KIF3A: variants seen among roughly 807,000 people sequenced by gnomAD.
KIF3A encodes kinesin family member 3A.
Under a neutral mutation model 92.6 loss-of-function variants are expected in KIF3A, and 27 were observed. The ratio of observed to expected loss-of-function variants is 0.29; its 90% CI spans 0.21 to 0.40. The LOEUF is 0.40. Ranked by LOEUF, KIF3A falls within the 10% of genes least tolerant of loss-of-function variation. KIF3A has a pLI of 1.00. For missense variants in KIF3A, 581 were observed against 872.6 expected (o/e 0.67, Z 4.21); for synonymous variants, 250 against 275.4 (o/e 0.91, Z 0.92).
chr5:132,734,193 A>G lies in KIF3A; in HGVS notation c.280+12T>C, dbSNP rs1388755241. The G allele has an allele frequency of 6.3e-7, 1 of 1,594,298 alleles. No individual in the cohort carries two copies. The highest frequency in any genetic ancestry group is 1.8e-5 in the Admixed American group (1 of 56,928). On this transcript the variant is annotated intron_variant, in intron 2 of 18. Transcript: ENST00000403231. ...AATAAGGGAGTTTTTTAAAAAGTAA[A>G]GATTCACTTACCATTGTAGCCTTCA...
chr5:132,712,975 T>C (rs752206759), intron 8 of KIF3A, among the ~76,000 whole-genome samples: 5 of 151,998 alleles, frequency 3.3e-5, no homozygotes, highest in South Asian at 2.1e-4. Context: ...CTGGCAAACA[T>C]GGTGAAACCC....
At chr5:132,724,806 AATATAT>A (rs1167332306) in intron 4 of KIF3A, among the ~76,000 whole-genome samples, 105 of 22,562 alleles carry the variant, frequency 4.7e-3, no homozygotes, top group Middle Eastern at 0.037. Context: ...AAAAAAAAAA[AATATAT>A]ATATATATAT....
At chr5:132,731,796 C>T (rs1048863449) in intron 2 of KIF3A, among the ~76,000 whole-genome samples, 8 of 151,994 alleles carry the variant, frequency 5.3e-5, no homozygotes, top group Admixed American at 1.3e-4. Flanking sequence ...CTGCAACCTC[C>T]GCCTCCGAGG....
rs1312304797 is a variant in KIF3A, at chr5:132,696,511, T to C, written c.*123A>G. 1 of 670,116 alleles carries C rather than the reference T, an allele frequency of 1.5e-6. No homozygotes were observed. Among genetic ancestry groups the C allele is most frequent in the African/African-American group, 1.8e-5 (1 of 55,626 alleles). 41.5% of individuals were successfully genotyped at this position (670,116 alleles called of 1,614,324 possible). On this transcript the variant is annotated 3_prime_UTR_variant, in exon 19 of 19. Coordinates refer to ENST00000403231, the MANE Select transcript of KIF3A (RefSeq NM_001300791.2). ...TTAAGCAAATTATTATTTCCAGTCT[T>C]ATTCATTGATCTACAACTTCCATTA... is the stretch of plus-strand genomic sequence containing the variant.
downstream of KIF3A, chr5:132,689,466 G>A (rs146039914): frequency 2.6e-5 from 4 of 152,258 alleles, no homozygotes; most frequent in African/African-American, 9.6e-5. Flanking sequence ...ACTATAAGCA[G>A]GTCATCAGAT....
chr5:132,690,858 C>T (rs1233322135), downstream of KIF3A, among the ~76,000 whole-genome samples: 2 of 151,810 alleles, frequency 1.3e-5, no homozygotes, highest in Non-Finnish European at 2.9e-5. Context: ...ACCCAGGAGG[C>T]GGAGCTTGCA....
intron 7 of KIF3A, 141 bp from the exon 8 acceptor site, chr5:132,716,072 G>T: frequency 2.4e-6 from 2 of 840,588 alleles, no homozygotes; most frequent in East Asian, 2.7e-5. Context: ...AACCACATGA[G>T]TTTCCAAAGG....
rs752477834 is a variant in KIF3A, at chr5:132,702,116, T to C, written c.1855A>G (p.Ile619Val). 1.2e-6 allele frequency: 2 copies of C among 1,613,636 alleles called. No individual in the cohort carries two copies. The highest frequency in any genetic ancestry group is 1.7e-6 in the Non-Finnish European group (2 of 1,179,616). Residue 619 changes from isoleucine to valine, a missense_variant, in exon 15 of 19, where the codon ATT (isoleucine) becomes GTT (valine). Around this residue, in one of 5 missense-constraint regions of KIF3A, gnomAD observed 112 missense variants for 144.3 expected, o/e 0.78. Coordinates refer to ENST00000403231, the MANE Select transcript of KIF3A (RefSeq NM_001300791.2). ...SRELRLQMLIIDNFIPRDYQE... is the reference protein window; with the variant it reads ...SRELRLQMLIVDNFIPRDYQE... ...TAATCCCGAGGTATAAAGTTATCAA[T>C]AATAAGCATCTGAAGTCGAAGCTCC... is the stretch of plus-strand genomic sequence containing the variant.
intron 17 of KIF3A, chr5:132,699,566 T>G (rs1752958594): frequency 2.1e-6 from 1 of 482,064 alleles, no homozygotes; most frequent in Non-Finnish European, 4.1e-6. Context: ...TCTTCTTTTT[T>G]TTTTTTTTTT....
In KIF3A at chr5:132,693,980, CAA is replaced by C. The variant is rs753479660; in HGVS notation, c.*2652_*2653del. 7 of 114,478 alleles carry C rather than the reference CAA, an allele frequency of 6.1e-5. No homozygotes were observed. Among genetic ancestry groups the C allele is most frequent in the Admixed American group, 9.0e-5 (1 of 11,140 alleles). The allele number at this position is 114,478 out of a possible 1,614,324, so 7.1% of individuals were successfully genotyped here. On this transcript the variant is annotated 3_prime_UTR_variant, in exon 19 of 19. Transcript: ENST00000403231. ...TGGGCGACAGAGTAAGACTCCGTCT[CAA>C]AAAAAAAAAAAAGATATTCAGGCCA... is the stretch of plus-strand genomic sequence containing the variant.
At chr5:132,720,432 G>A (rs774894043) in intron 5 of KIF3A, among the ~76,000 whole-genome samples, 177 bp downstream of exon 5, 9 of 152,170 alleles carry the variant, frequency 5.9e-5, no homozygotes, top group Non-Finnish European at 8.8e-5. Flanking sequence ...CATGGAAAAT[G>A]ATTTGTGGTA....
chr5:132,725,091 G>A (rs1753994327), intron 4 of KIF3A, among the ~76,000 whole-genome samples: 1 of 150,940 alleles, frequency 6.6e-6, no homozygotes, highest in Non-Finnish European at 1.5e-5. Context: ...ATAATTACTG[G>A]TACAAAAATG....
downstream of KIF3A, among the ~76,000 whole-genome samples, chr5:132,690,819 C>T (rs368888925): frequency 8.1e-5 from 12 of 147,350 alleles, no homozygotes; most frequent in African/African-American, 3.0e-4. Context: ...CCCAGCTACT[C>T]GGGAGGCTGA....
intron 5 of KIF3A, 130 bp downstream of exon 5, chr5:132,720,479 T>C (rs762740747): frequency 1.2e-5 from 7 of 580,716 alleles, no homozygotes; most frequent in Non-Finnish European, 2.2e-5. Context: ...TGGTAAATAA[T>C]CAAAGTGGAA....
At chr5:132,708,021 C>T (rs1753278060) in intron 10 of KIF3A, among the ~76,000 whole-genome samples, 1 of 152,130 alleles carries the variant, frequency 6.6e-6, no homozygotes, top group African/African-American at 2.4e-5. Flanking sequence ...CAGTGGCTCA[C>T]GCCTATAATC....
At chr5:132,691,528 C>G (rs1009528428), downstream of KIF3A, among the ~76,000 whole-genome samples, 1 of 144,950 alleles carries the variant, frequency 6.9e-6, no homozygotes, top group African/African-American at 2.6e-5. Context: ...TCCTGGCCAA[C>G]AAGAGCCAAA....
At chr5:132,723,633 T>G (rs953739805) in intron 4 of KIF3A, 43 of 152,192 alleles carry the variant, frequency 2.8e-4, no homozygotes, top group African/African-American at 8.9e-4. Flanking sequence ...TCCTTACACC[T>G]TATACAAAAA....
chr5:132,711,175 T>G (rs1753410762), intron 8 of KIF3A, 118 bp from the exon 9 acceptor site: 2 of 849,774 alleles, frequency 2.4e-6, no homozygotes, highest in South Asian at 3.2e-5. Context: ...CAAATTTAAA[T>G]ACTATTTAAA....
chr5:132,703,558 T>C lies in KIF3A; in HGVS notation c.1371A>G (p.Arg457=). Residue 457 remains arginine (R), a synonymous_variant, in exon 12 of 19, where the codon AGA becomes AGG. Coordinates refer to ENST00000403231, the MANE Select transcript of KIF3A (RefSeq NM_001300791.2). ...IEMQAKIDEE[R]KALETKLDME... is the part of the protein sequence containing the mutation. ...TGTCGAGCTTTGTTTCAAGTGCTTT[T>C]CTCTCCTCATCAATTTTTGCTTGCA... 6.2e-7 allele frequency: 1 copy of C among 1,612,346 alleles called. No homozygotes were observed. Among genetic ancestry groups the C allele is most frequent in the South Asian group, 1.1e-5 (1 of 90,904 alleles).
Sources: allele counts gnomAD v4.1 joint callset (sites outside exome capture counted in the v4.1 genomes callset), GRCh38; gene constraint gnomAD v4.1.1; regional missense constraint gnomAD v4.1.1; transcripts MANE v1.5; gene names NCBI Gene and HGNC (gene_info 2026-07-23, HGNC 2026-07-21).